Variants in MDFIC2 observed in about 807,000 individuals in gnomAD.
MDFIC2 encodes MyoD family inhibitor domain containing 2.
At chr3:70,203,572 G>C (rs989198453) in intron 3 of MDFIC2, among the ~76,000 whole-genome samples, 1 of 151,988 alleles carries the variant, frequency 6.6e-6, no homozygotes, top group African/African-American at 2.4e-5. Context: ...GTTTTTTTCT[G>C]AGCAAATGAA....
intron 2 of MDFIC2, chr3:70,302,688 G>A (rs1252500946): frequency 1.3e-5 from 2 of 152,158 alleles, no homozygotes; most frequent in East Asian, 1.9e-4. Context: ...ATTAATAATG[G>A]TGAGCTAAGA....
intron 2 of MDFIC2, among the ~76,000 whole-genome samples, chr3:70,300,858 A>G (rs1238572791): frequency 6.6e-6 from 1 of 152,026 alleles, no homozygotes; most frequent in Non-Finnish European, 1.5e-5. Context: ...TGGACACTCC[A>G]AGGTATTCAT....
At chr3:70,294,077 G>A (rs1265028102) in intron 2 of MDFIC2, among the ~76,000 whole-genome samples, 1 of 151,946 alleles carries the variant, frequency 6.6e-6, no homozygotes, top group Non-Finnish European at 1.5e-5. Context: ...TAAAGACATG[G>A]CCATGTTTTA....
chr3:70,275,111 A>G (rs1304639829), intron 2 of MDFIC2, among the ~76,000 whole-genome samples: 1 of 152,230 alleles, frequency 6.6e-6, no homozygotes, highest in Non-Finnish European at 1.5e-5. Flanking sequence ...TCTTGTGGTC[A>G]TCATTCTCAC....
intron 2 of MDFIC2, among the ~76,000 whole-genome samples, chr3:70,234,815 G>T (rs1346605852): frequency 6.6e-6 from 1 of 151,980 alleles, no homozygotes; most frequent in African/African-American, 2.4e-5. Context: ...TTTTTAATTG[G>T]TGCTGCTTAA....
intron 2 of MDFIC2, among the ~76,000 whole-genome samples, chr3:70,274,369 G>T (rs1160863695): frequency 6.6e-6 from 1 of 151,294 alleles, no homozygotes; most frequent in African/African-American, 2.5e-5. Flanking sequence ...TAATTCTCTT[G>T]AAATATAGAA....
At chr3:70,251,640 T>C (rs929416239) in intron 2 of MDFIC2, among the ~76,000 whole-genome samples, 6 of 152,192 alleles carry the variant, frequency 3.9e-5, no homozygotes, top group African/African-American at 1.4e-4. Flanking sequence ...AAATTTAGGT[T>C]CTGCTTTTGC....
intron 2 of MDFIC2, among the ~76,000 whole-genome samples, chr3:70,226,471 C>T (rs1299626448): frequency 1.3e-5 from 2 of 152,160 alleles, no homozygotes; most frequent in African/African-American, 2.4e-5. Flanking sequence ...GGCGCAGTGG[C>T]TCACGCCTGT....
At chr3:70,210,007 GAATT>G (rs1465572998) in intron 2 of MDFIC2, among the ~76,000 whole-genome samples, 1 of 152,148 alleles carries the variant, frequency 6.6e-6, no homozygotes, top group Non-Finnish European at 1.5e-5. Context: ...TTACTTAACA[GAATT>G]AATTAACAAT....
chr3:70,209,677 T>G (rs1701324432), intron 2 of MDFIC2, among the ~76,000 whole-genome samples: 1 of 152,110 alleles, frequency 6.6e-6, no homozygotes, highest in Non-Finnish European at 1.5e-5. Flanking sequence ...CCTTTTCCCT[T>G]TTATATTATG....
chr3:70,217,223 G>A (rs551942390), intron 2 of MDFIC2, among the ~76,000 whole-genome samples: 1 of 152,162 alleles, frequency 6.6e-6, no homozygotes, highest in South Asian at 2.1e-4. Flanking sequence ...AGAATGCTTA[G>A]CATTTCTTAC....
intron 2 of MDFIC2, among the ~76,000 whole-genome samples, chr3:70,258,446 T>A (rs904750148): frequency 6.6e-6 from 1 of 151,986 alleles, no homozygotes; most frequent in Non-Finnish European, 1.5e-5. Flanking sequence ...AGAGAGAGAT[T>A]TACTTACATT....
chr3:70,299,531 C>T (rs1323613661), intron 2 of MDFIC2, among the ~76,000 whole-genome samples: 1 of 152,122 alleles, frequency 6.6e-6, no homozygotes, highest in African/African-American at 2.4e-5. Context: ...TCTGACAACT[C>T]CTGTCTCTCT....
chr3:70,208,580 T>G (rs1021527347), intron 2 of MDFIC2, among the ~76,000 whole-genome samples: 1 of 152,124 alleles, frequency 6.6e-6, no homozygotes, highest in African/African-American at 2.4e-5. Context: ...GGGAGAATTT[T>G]TGAAGCTCCT....
chr3:70,200,992 C>T (rs1313585584), intron 3 of MDFIC2, among the ~76,000 whole-genome samples: 2 of 151,544 alleles, frequency 1.3e-5, no homozygotes, highest in East Asian at 1.9e-4. Context: ...CATTTCTCTT[C>T]TCCTTCTATA....
chr3:70,286,339 TG>T (rs1169252145), intron 2 of MDFIC2, among the ~76,000 whole-genome samples: 6 of 152,210 alleles, frequency 3.9e-5, no homozygotes, highest in African/African-American at 1.4e-4. Flanking sequence ...TTCTTGTTTT[TG>T]TCAGGTTTGT....
intron 3 of MDFIC2, among the ~76,000 whole-genome samples, chr3:70,200,809 G>T (rs1701229762): frequency 6.6e-6 from 1 of 152,132 alleles, no homozygotes; most frequent in African/African-American, 2.4e-5. Flanking sequence ...TTCAGGGATT[G>T]TTTCTGACTG....
intron 2 of MDFIC2, among the ~76,000 whole-genome samples, chr3:70,207,927 C>T (rs1327556267): frequency 6.6e-6 from 1 of 152,012 alleles, no homozygotes; most frequent in Non-Finnish European, 1.5e-5. Flanking sequence ...TGCTCTGCAA[C>T]AAGCGCTGGG....
intron 2 of MDFIC2, among the ~76,000 whole-genome samples, chr3:70,274,938 T>G (rs1272725090): frequency 6.6e-6 from 1 of 152,158 alleles, no homozygotes; most frequent in Admixed American, 6.5e-5. Context: ...ATGAGTTATA[T>G]AAAAGTGGGA....
Sources: allele counts gnomAD v4.1 joint callset (sites outside exome capture counted in the v4.1 genomes callset), GRCh38; gene constraint gnomAD v4.1.1; transcripts MANE v1.5; gene names NCBI Gene and HGNC (gene_info 2026-07-23, HGNC 2026-07-21).